The following ZNF407 variants were observed in gnomAD, a reference collection of about 807,000 sequenced individuals.
ZNF407 encodes zinc finger protein 407.
In ZNF407, 17 loss-of-function variants were observed where a neutral mutation model predicts 131.2. The ratio of observed to expected loss-of-function variants is 0.13; its 90% CI spans 0.09 to 0.19. The LOEUF (loss-of-function observed/expected upper bound fraction) is 0.19. ZNF407 is among the 10% of genes least tolerant of loss of function. The probability of loss-of-function intolerance (pLI) is 1.00; values close to 1 mark genes in which losing one functional copy is unlikely to be tolerated. For missense variants in ZNF407, 2,681 were observed against 2,830.6 expected (o/e 0.95, Z 1.20); for synonymous variants, 1,156 against 1,062.0 (o/e 1.09, Z -1.72).
chr18:74,645,307 G>A (rs1047451175), intron 3 of ZNF407, among the ~76,000 whole-genome samples: 1 of 151,890 alleles, frequency 6.6e-6, no homozygotes, highest in African/African-American at 2.4e-5. Flanking sequence ...CTAATAATTG[G>A]CCTGTGATTT....
chr18:74,997,100 G>C (rs1972788204), intron 8 of ZNF407, among the ~76,000 whole-genome samples: 1 of 152,224 alleles, frequency 6.6e-6, no homozygotes, highest in East Asian at 1.9e-4. Context: ...GAAGGCATGT[G>C]TAACAGATTT....
intron 3 of ZNF407, among the ~76,000 whole-genome samples, chr18:74,768,923 G>T (rs1434178214): frequency 1.3e-5 from 2 of 152,120 alleles, no homozygotes; most frequent in East Asian, 3.9e-4. Flanking sequence ...CTGTCAGCCA[G>T]TGCAATGCTA....
chr18:75,057,029 G>A (rs1284514169), intron 8 of ZNF407, among the ~76,000 whole-genome samples: 1 of 152,190 alleles, frequency 6.6e-6, no homozygotes, highest in Non-Finnish European at 1.5e-5. Context: ...GCAATGTCAT[G>A]TGTGTCCCAA....
intron 3 of ZNF407, among the ~76,000 whole-genome samples, chr18:74,722,403 A>G (rs1968060280): frequency 6.6e-6 from 1 of 152,152 alleles, no homozygotes; most frequent in Non-Finnish European, 1.5e-5. Flanking sequence ...TCTCCTTGCC[A>G]CATTTCTTGC....
chr18:75,031,160 A>C (rs1973235686), intron 8 of ZNF407, among the ~76,000 whole-genome samples: 1 of 152,216 alleles, frequency 6.6e-6, no homozygotes, highest in Admixed American at 6.5e-5. Context: ...TCACCTGTAA[A>C]GGGCCAGGGG....
intron 4 of ZNF407, among the ~76,000 whole-genome samples, chr18:74,846,925 C>T (rs930240799): frequency 2.0e-5 from 3 of 151,598 alleles, no homozygotes; most frequent in East Asian, 2.0e-4. Flanking sequence ...ACCCAGGAGG[C>T]GGAGGTTGCA....
intron 4 of ZNF407, among the ~76,000 whole-genome samples, chr18:74,833,679 G>GTTGTATCTTCAACT (rs1970516326): frequency 6.6e-6 from 1 of 152,224 alleles, no homozygotes; most frequent in Admixed American, 6.5e-5. Context: ...AGGGCCTTAT[G>GTTGTATCTTCAACT]TTGTATCTTC....
intron 8 of ZNF407, among the ~76,000 whole-genome samples, chr18:74,967,881 G>T (rs1156620430): frequency 6.6e-6 from 1 of 152,146 alleles, no homozygotes; most frequent in Non-Finnish European, 1.5e-5. Context: ...CCACTATACT[G>T]CAGACCTTTG....
chr18:75,060,701 T>G (rs1973621434), intron 8 of ZNF407, among the ~76,000 whole-genome samples: 1 of 150,984 alleles, frequency 6.6e-6, no homozygotes, highest in Non-Finnish European at 1.5e-5. Flanking sequence ...GAGACGGGGT[T>G]TCACCGTGTT....
chr18:74,982,240 A>C (rs2122121730), intron 8 of ZNF407, among the ~76,000 whole-genome samples: 1 of 152,250 alleles, frequency 6.6e-6, no homozygotes, highest in South Asian at 2.1e-4. Flanking sequence ...TGCCTTTATG[A>C]TGTGTTAACC....
chr18:74,658,317 C>T (rs1420776352), intron 3 of ZNF407, among the ~76,000 whole-genome samples: 4 of 152,080 alleles, frequency 2.6e-5, no homozygotes, highest in African/African-American at 9.7e-5. Flanking sequence ...CAGGGTTTCA[C>T]CATGTTGGCC....
intron 8 of ZNF407, among the ~76,000 whole-genome samples, chr18:74,982,922 T>C (rs1055515111): frequency 7.2e-5 from 11 of 152,196 alleles, no homozygotes; most frequent in African/African-American, 1.9e-4. Flanking sequence ...TTGTTATTCC[T>C]GAAAGGCTTA....
chr18:74,766,268 C>T (rs908572238), intron 3 of ZNF407, among the ~76,000 whole-genome samples: 5 of 152,152 alleles, frequency 3.3e-5, no homozygotes, highest in African/African-American at 9.7e-5. Context: ...TTGGGGGACC[C>T]ACAGGCATGA....
chr18:74,776,756 C>T (rs757132186), intron 3 of ZNF407, among the ~76,000 whole-genome samples: 7 of 152,128 alleles, frequency 4.6e-5, no homozygotes, highest in Non-Finnish European at 7.3e-5. Context: ...CGATCAGAAG[C>T]CTTACCAATA....
At chr18:75,037,278 T>A (rs1973319723) in intron 8 of ZNF407, among the ~76,000 whole-genome samples, 1 of 152,216 alleles carries the variant, frequency 6.6e-6, no homozygotes, top group Non-Finnish European at 1.5e-5. Context: ...TGTAAACAGA[T>A]CCCTGTTCAG....
At chr18:74,850,838 C>G (rs78557623) in intron 4 of ZNF407, among the ~76,000 whole-genome samples, 4 of 152,160 alleles carry the variant, frequency 2.6e-5, no homozygotes, top group Non-Finnish European at 4.4e-5. Context: ...AAAGAACTCT[C>G]GAGAGCACAA....
chr18:74,807,878 ATTGTT>A (rs2145083229), intron 4 of ZNF407, among the ~76,000 whole-genome samples: 1 of 152,130 alleles, frequency 6.6e-6, no homozygotes, highest in Non-Finnish European at 1.5e-5. Context: ...GGTTTTTTTA[ATTGTT>A]TTATTTTTAA....
chr18:74,694,267 G>GCC (rs1967299334), intron 3 of ZNF407, among the ~76,000 whole-genome samples: 2 of 152,072 alleles, frequency 1.3e-5, no homozygotes, highest in Non-Finnish European at 1.5e-5. Flanking sequence ...TCTAGGGATA[G>GCC]TTAAGCTCAA....
At chr18:74,986,591 A>G (rs539566069) in intron 8 of ZNF407, among the ~76,000 whole-genome samples, 2 of 152,226 alleles carry the variant, frequency 1.3e-5, no homozygotes, top group South Asian at 4.1e-4. Flanking sequence ...TCTCAGTTTC[A>G]CTTTAAGCTT....
Sources: gnomAD v4.1 joint callset for allele counts (sites outside exome capture counted in the v4.1 genomes callset) on GRCh38, gnomAD v4.1.1 for gene constraint, MANE v1.5 for transcripts, NCBI Gene and HGNC (gene_info 2026-07-23, HGNC 2026-07-21) for gene names.